CLVS1: variants seen among roughly 807,000 people sequenced by gnomAD.
CLVS1 encodes the protein clavesin-1.
A neutral mutation model predicts 33.1 loss-of-function variants in CLVS1; 10 were observed. That is an observed-to-expected ratio of 0.30 (90% CI 0.19 to 0.51). CLVS1 has a LOEUF of 0.51. Ranked by LOEUF, CLVS1 falls within the 20% of genes least tolerant of loss-of-function variation. The pLI is 0.97. For synonymous variants in CLVS1, 163 were observed against 166.1 expected (o/e 0.98, Z 0.14); for missense variants, 343 against 433.4 (o/e 0.79, Z 1.85).
chr8:61,236,592 C>A (rs1487529415), intron 2 of CLVS1, among the ~76,000 whole-genome samples: 1 of 152,136 alleles, frequency 6.6e-6, no homozygotes, highest in Non-Finnish European at 1.5e-5. Flanking sequence ...CAGCACTGTT[C>A]CTGGGTGGGC....
At chr8:61,384,878 T>A (rs1814020048) in intron 3 of CLVS1, among the ~76,000 whole-genome samples, 2 of 151,846 alleles carry the variant, frequency 1.3e-5, no homozygotes, top group South Asian at 4.2e-4. Flanking sequence ...AATGGGGAGA[T>A]CGGGACAATG....
chr8:61,230,189 T>G (rs1221247722), intron 2 of CLVS1, among the ~76,000 whole-genome samples: 6 of 152,186 alleles, frequency 3.9e-5, no homozygotes, highest in Non-Finnish European at 8.8e-5. Context: ...AAGGCTGTTT[T>G]GCTGAACCCT....
chr8:61,381,137 T>C (rs570006494), intron 3 of CLVS1, among the ~76,000 whole-genome samples: 7 of 151,746 alleles, frequency 4.6e-5, no homozygotes, highest in African/African-American at 1.5e-4. Flanking sequence ...TAACTCTTTA[T>C]TCAAGGTTTA....
At chr8:61,164,014 G>A (rs370841248) in intron 2 of CLVS1, among the ~76,000 whole-genome samples, 8 of 152,158 alleles carry the variant, frequency 5.3e-5, no homozygotes, top group Non-Finnish European at 7.3e-5. Flanking sequence ...GCCCACTCCC[G>A]GCTCGAATGC....
At chr8:61,304,480 T>A (rs901043564) in intron 2 of CLVS1, among the ~76,000 whole-genome samples, 1 of 152,230 alleles carries the variant, frequency 6.6e-6, no homozygotes, top group African/African-American at 2.4e-5. Context: ...TCAGCTCGCA[T>A]GTATTTATAC....
rs542656769 is a variant in CLVS1 at position 61,448,406 on chromosome 8, A to C, written c.631-5735A>C. On this transcript the variant is annotated intron_variant, in intron 3 of 5. Coordinates refer to ENST00000325897, the MANE Select transcript of CLVS1 (RefSeq NM_173519.3). ...TTTAGATTTTTTTGTTATAGACCCC[A>C]AAAAGGAAGGTTTCTTCATTCATTT... Among the ~76,000 whole-genome samples, 22 of 152,234 alleles carry C rather than the reference A, an allele frequency of 1.4e-4. No homozygotes were observed. In the South Asian group the frequency reaches 2.1e-3, roughly 14 times the overall value.
the CLVS1 span, among the ~76,000 whole-genome samples, chr8:60,997,326 A>C: frequency 6.6e-6 from 1 of 152,216 alleles, no homozygotes; most frequent in African/African-American, 2.4e-5. Flanking sequence ...AGCTGTCGCA[A>C]TTAGCATCTA....
rs572642367 is a variant in CLVS1 at position 61,276,145 on chromosome 8, A to G, written c.-151-23532A>G. Among the ~76,000 whole-genome samples the G allele has an allele frequency of 2.6e-5, 4 of 152,340 alleles. No individual in the cohort carries two copies. The South Asian group carries it at 8.3e-4, about 32-fold the overall frequency. On this transcript the variant is annotated intron_variant, in intron 2 of 2. Coordinates refer to the CLVS1 transcript ENST00000522621. Reference sequence around the variant, plus strand: ...AGATACTTGGATTAAGCCATTAGCAATCAGCAGGGAAGGTGCCCACAAAAT... The same window carrying G: ...AGATACTTGGATTAAGCCATTAGCAGTCAGCAGGGAAGGTGCCCACAAAAT...
chr8:61,303,327 TCAAA>T (rs2129594904), intron 2 of CLVS1, among the ~76,000 whole-genome samples: 1 of 152,308 alleles, frequency 6.6e-6, no homozygotes, highest in South Asian at 2.1e-4. Flanking sequence ...TATGATAACC[TCAAA>T]CAAATTACTT....
At chr8:61,181,582 T>C (rs76434012) in intron 2 of CLVS1, among the ~76,000 whole-genome samples, 1 of 151,948 alleles carries the variant, frequency 6.6e-6, no homozygotes, top group Non-Finnish European at 1.5e-5. Context: ...CTTCAAACTA[T>C]ACTATAAGCC....
At chr8:61,139,417 A>G (rs533754196) in intron 2 of CLVS1, among the ~76,000 whole-genome samples, 11 of 152,338 alleles carry the variant, frequency 7.2e-5, no homozygotes, top group African/African-American at 2.4e-4. Context: ...TGAGTTGTCA[A>G]TTAGCATCTT....
intron 2 of CLVS1, among the ~76,000 whole-genome samples, chr8:61,262,386 C>A (rs967734144): frequency 1.3e-5 from 2 of 152,006 alleles, no homozygotes; most frequent in African/African-American, 2.4e-5. Flanking sequence ...ACTCATCAAA[C>A]GTATAGTCCT....
intron 2 of CLVS1, among the ~76,000 whole-genome samples, chr8:61,282,740 G>T (rs996144192): frequency 6.6e-6 from 1 of 152,170 alleles, no homozygotes; most frequent in Non-Finnish European, 1.5e-5. Flanking sequence ...TATAAATTGT[G>T]TATCCTTATA....
rs754249957 is a variant in CLVS1 at position 61,501,124 on chromosome 8, A to AAATC, written c.*1584_*1587dup. The stretch of plus-strand genomic sequence containing the variant: ...TAATTCATTTTTGTGTAGACATACG[A>AAATC]AATCACAAAAATAATAACACTGAAA... On this transcript the variant is annotated 3_prime_UTR_variant, in exon 6 of 6. Transcript: ENST00000325897. 8.5e-5 allele frequency: 13 copies of AAATC among 152,166 alleles called. No individual in the cohort carries two copies. Among genetic ancestry groups the AAATC allele is most frequent in the Non-Finnish European group, 1.8e-4 (12 of 68,020 alleles). The allele number at this position is 152,166 out of a possible 1,614,324, so 9.4% of individuals were successfully genotyped here.
At chr8:61,254,338 G>A (rs568081172) in intron 2 of CLVS1, among the ~76,000 whole-genome samples, 1 of 152,202 alleles carries the variant, frequency 6.6e-6, no homozygotes, top group South Asian at 2.1e-4. Flanking sequence ...CTACTGGGGG[G>A]TGCCTCCCAG....
upstream of CLVS1, among the ~76,000 whole-genome samples, chr8:61,283,042 A>G (rs546211641): frequency 1.1e-3 from 171 of 152,348 alleles, no homozygotes; most frequent in Middle Eastern, 3.4e-3. Flanking sequence ...GAGTTCCTCC[A>G]GAGGAGTACT....
At chr8:61,211,467 C>T (rs1227283390) in intron 2 of CLVS1, among the ~76,000 whole-genome samples, 1 of 151,462 alleles carries the variant, frequency 6.6e-6, no homozygotes, top group East Asian at 1.9e-4. Flanking sequence ...TCCTTTTCCT[C>T]TGCCTCCCCC....
chr8:60,973,938 A>C, the CLVS1 span, among the ~76,000 whole-genome samples: 5 of 152,260 alleles, frequency 3.3e-5, no homozygotes, highest in East Asian at 5.8e-4. Flanking sequence ...CACTGTAACA[A>C]GATGATCTGT....
the CLVS1 span, among the ~76,000 whole-genome samples, chr8:61,020,249 G>C: frequency 2.0e-5 from 3 of 152,192 alleles, no homozygotes; most frequent in Admixed American, 6.5e-5. Context: ...TTATTGAATA[G>C]GCTTTTGAGA....
Sources: allele counts gnomAD v4.1 joint callset (sites outside exome capture counted in the v4.1 genomes callset), GRCh38; gene constraint gnomAD v4.1.1; transcripts MANE v1.5; gene names NCBI Gene and HGNC (gene_info 2026-07-23, HGNC 2026-07-21).